NEK6: variants seen among roughly 807,000 people sequenced by gnomAD.
The protein encoded by NEK6 is serine/threonine-protein kinase Nek6.
NEK6 carries 27 observed loss-of-function variants against 43.5 expected under a neutral mutation model. The ratio of observed to expected loss-of-function variants is 0.62; its 90% CI spans 0.46 to 0.86. The LOEUF (loss-of-function observed/expected upper bound fraction) is 0.86. Ranked by LOEUF, NEK6 falls within the 40% of genes least tolerant of loss-of-function variation. The pLI, the probability that NEK6 is intolerant of heterozygous loss-of-function variation, is 0.00. For synonymous variants in NEK6, 167 were observed against 164.1 expected (o/e 1.02, Z -0.14); for missense variants, 318 against 414.4 (o/e 0.77, Z 2.02).
intron 2 of NEK6, among the ~76,000 whole-genome samples, chr9:124,307,676 T>C (rs1439184234): frequency 1.3e-5 from 2 of 152,070 alleles, no homozygotes; most frequent in Non-Finnish European, 2.9e-5. Context: ...GAGTCAGAGG[T>C]GGCCTCCTAT....
At position 124,350,986 on chromosome 9, in the gene NEK6, T is replaced by C; in HGVS notation, c.*39T>C. The C allele has an allele frequency of 6.9e-7, 1 of 1,456,740 alleles. No homozygotes were observed. The highest frequency in any genetic ancestry group is 2.3e-5 in the East Asian group (1 of 43,912). The allele number at this position is 1,456,740 out of a possible 1,614,324, so 90.2% of individuals were successfully genotyped here. On this transcript the variant is annotated 3_prime_UTR_variant, in exon 10 of 10. Transcript: ENST00000320246. ...GTGCCTTATCAAAGCCAGCACCACT[T>C]TGCCTTACTTGAGTCGTCTTCTCTT...
chr9:124,271,934 C>T (rs1379331013), intron 1 of NEK6, among the ~76,000 whole-genome samples: 4 of 152,266 alleles, frequency 2.6e-5, no homozygotes, highest in Non-Finnish European at 5.9e-5. Context: ...CAGAGTTAGG[C>T]ACACCTGGCC....
chr9:124,260,554 G>A (rs758849466), intron 1 of NEK6, among the ~76,000 whole-genome samples: 8 of 152,078 alleles, frequency 5.3e-5, no homozygotes, highest in South Asian at 2.1e-4. Context: ...GTGCCACCAC[G>A]CCCAGATAAT....
At chr9:124,348,098 C>T (rs531028021) in intron 9 of NEK6, among the ~76,000 whole-genome samples, 2 of 152,340 alleles carry the variant, frequency 1.3e-5, no homozygotes, top group African/African-American at 2.4e-5. Context: ...CAACTTGGTG[C>T]TCCAGTGGGA....
At chr9:124,332,398 G>A (rs574764867) in intron 7 of NEK6, among the ~76,000 whole-genome samples, 22 of 152,308 alleles carry the variant, frequency 1.4e-4, no homozygotes, top group Middle Eastern at 3.4e-3. Context: ...TGGGGAGACC[G>A]AGGCTGAGAG....
chr9:124,319,607 A>G (rs919566943), intron 4 of NEK6, among the ~76,000 whole-genome samples: 2 of 152,250 alleles, frequency 1.3e-5, no homozygotes, highest in Admixed American at 6.5e-5. Context: ...TAAGTCTTCA[A>G]TCAATCTTGA....
intron 1 of NEK6, chr9:124,293,054 G>A (rs1323228951): frequency 2.1e-6 from 3 of 1,447,310 alleles, no homozygotes; most frequent in Middle Eastern, 1.9e-4. Context: ...GGGGTCTCTG[G>A]GATGGTGGGC....
intron 4 of NEK6, among the ~76,000 whole-genome samples, chr9:124,316,785 A>AC (rs1384121609): frequency 1.3e-4 from 20 of 150,986 alleles, no homozygotes; most frequent in African/African-American, 4.9e-4. Context: ...CCCTTCCTTA[A>AC]CCCCCTGCCC....
chr9:124,265,096 A>C (rs189191787), intron 1 of NEK6, among the ~76,000 whole-genome samples: 1 of 152,324 alleles, frequency 6.6e-6, no homozygotes, highest in Non-Finnish European at 1.5e-5. Flanking sequence ...ATTAAGGGAC[A>C]TGGGTTTTTA....
intron 2 of NEK6, among the ~76,000 whole-genome samples, chr9:124,303,604 T>C (rs1833106661): frequency 6.6e-6 from 1 of 152,164 alleles, no homozygotes; most frequent in Non-Finnish European, 1.5e-5. Flanking sequence ...GGTGGGGGTG[T>C]GTGTATATGC....
At chr9:124,301,305 T>C (rs1355518941) in intron 1 of NEK6, among the ~76,000 whole-genome samples, 2 of 152,152 alleles carry the variant, frequency 1.3e-5, no homozygotes, top group Non-Finnish European at 2.9e-5. Context: ...ATGACCAGCA[T>C]CTCTGACTCT....
intron 1 of NEK6, among the ~76,000 whole-genome samples, chr9:124,283,357 C>G (rs1832008694): frequency 6.6e-6 from 1 of 152,230 alleles, no homozygotes; most frequent in African/African-American, 2.4e-5. Flanking sequence ...AATCTATAGG[C>G]ATTTCCTTCC....
intron 1 of NEK6, among the ~76,000 whole-genome samples, chr9:124,283,488 T>C (rs1832016650): frequency 6.6e-6 from 1 of 152,116 alleles, no homozygotes; most frequent in South Asian, 2.1e-4. Flanking sequence ...TTGATTGGCA[T>C]TGAGGAAAAC....
chr9:124,292,176 A>G lies in NEK6; in HGVS notation c.-29-9760A>G. On this transcript the variant is annotated intron_variant, in intron 1 of 9. Coordinates refer to ENST00000320246, the MANE Select transcript of NEK6 (RefSeq NM_014397.6). ...AGGGATGGGGAACCAGGCCCCAGGGACCTCCAGGGCTGGAGCTCCAGGGAC... is the reference window on the plus strand; with the variant it reads ...AGGGATGGGGAACCAGGCCCCAGGGGCCTCCAGGGCTGGAGCTCCAGGGAC... The G allele has an allele frequency of 7.2e-6, 9 of 1,250,842 alleles. 1 individual carries two copies. The South Asian group carries it at 1.1e-4, about 15-fold the overall frequency. The allele number at this position is 1,250,842 out of a possible 1,614,324, so 77.5% of individuals were successfully genotyped here.
At chr9:124,281,659 C>G (rs756410294) in intron 1 of NEK6, among the ~76,000 whole-genome samples, 4 of 151,918 alleles carry the variant, frequency 2.6e-5, no homozygotes, top group African/African-American at 4.8e-5. Flanking sequence ...TGCCACCACA[C>G]CCAGCTAATT....
chr9:124,259,271 C>T (rs1462798313), intron 1 of NEK6: 1 of 152,192 alleles, frequency 6.6e-6, no homozygotes, highest in Non-Finnish European at 1.5e-5. Flanking sequence ...TTTCCAAATT[C>T]AGCTTGCCTT....
At chr9:124,323,439 C>T (rs1834171950) in intron 5 of NEK6, among the ~76,000 whole-genome samples, 1 of 152,160 alleles carries the variant, frequency 6.6e-6, no homozygotes, top group Non-Finnish European at 1.5e-5. Context: ...CAAACGTGGT[C>T]AGCTCTGTGT....
intron 1 of NEK6, among the ~76,000 whole-genome samples, chr9:124,270,533 A>T (rs116501735): frequency 6.6e-6 from 1 of 151,972 alleles, no homozygotes; most frequent in South Asian, 2.1e-4. Flanking sequence ...TAAAAAAAAA[A>T]CACAAAAGTT....
At chr9:124,270,993 C>T (rs1225964847) in intron 1 of NEK6, among the ~76,000 whole-genome samples, 1 of 152,194 alleles carries the variant, frequency 6.6e-6, no homozygotes, top group Non-Finnish European at 1.5e-5. Context: ...AGAGCAAGGG[C>T]CTTATGTTGG....
Sources: allele counts gnomAD v4.1 joint callset (sites outside exome capture counted in the v4.1 genomes callset), GRCh38; gene constraint gnomAD v4.1.1; transcripts MANE v1.5; gene names NCBI Gene and HGNC (gene_info 2026-07-23, HGNC 2026-07-21).